ST7: variants seen among roughly 807,000 people sequenced by gnomAD.
ST7 encodes the protein suppression of tumorigenicity 7, also known as suppressor of tumorigenicity 7 protein.
In ST7, 28 loss-of-function variants were observed where a neutral mutation model predicts 78.7. That is an observed-to-expected ratio of 0.36 (90% CI 0.26 to 0.49). The LOEUF (loss-of-function observed/expected upper bound fraction) is 0.49. ST7 is among the 20% of genes least tolerant of loss of function. ST7 has a pLI of 0.99. For synonymous variants in ST7, 247 were observed against 249.6 expected (o/e 0.99, Z 0.10); for missense variants, 418 against 696.0 (o/e 0.60, Z 4.49).
intron 13 of ST7, 153 bp from the exon 14 acceptor site, chr7:117,218,931 G>T: frequency 1.6e-6 from 1 of 607,512 alleles, no homozygotes; most frequent in African/African-American, 1.8e-5. Flanking sequence ...ATTTATCTCT[G>T]ACATTTCATC....
intron 9 of ST7, among the ~76,000 whole-genome samples, chr7:117,160,215 A>G (rs922744446): frequency 1.3e-5 from 2 of 150,350 alleles, no homozygotes; most frequent in Admixed American, 6.6e-5. Flanking sequence ...CCTGACCAAC[A>G]GAGTGAAACT....
chr7:117,018,201 CT>C (rs1795707350), intron 1 of ST7, among the ~76,000 whole-genome samples: 1 of 152,164 alleles, frequency 6.6e-6, no homozygotes, highest in Non-Finnish European at 1.5e-5. Context: ...TCCCTCTTGC[CT>C]TTCTGACGGC....
chr7:117,181,355 G>T (rs953799859), intron 10 of ST7, among the ~76,000 whole-genome samples: 6 of 152,148 alleles, frequency 3.9e-5, no homozygotes, highest in African/African-American at 1.4e-4. Context: ...GTAAAAGCAG[G>T]TATCACACTA....
intron 1 of ST7, among the ~76,000 whole-genome samples, chr7:117,053,218 T>C (rs1173005606): frequency 1.3e-5 from 2 of 152,182 alleles, no homozygotes; most frequent in Non-Finnish European, 2.9e-5. Context: ...CAAACCAAAA[T>C]AGTTTGTAAA....
rs1805044402 is a variant in ST7 at position 117,139,034 on chromosome 7, C to G, written c.963+502C>G. Among the ~76,000 whole-genome samples, 3 of 152,170 alleles carry G rather than the reference C, an allele frequency of 2.0e-5. No individual in the cohort carries two copies. The South Asian group carries it at 6.2e-4, about 32-fold the overall frequency. On this transcript the variant is annotated intron_variant, in intron 9 of 15. Transcript: ENST00000323984. ...TGAGTTAATCCTATTGTAGTTGTTT[C>G]AAGCATTTTCCTAGATTCTTGAACC... is the stretch of plus-strand genomic sequence containing the variant.
Position 117,226,914 on chromosome 7 carries a change from G to T in ST7, c.1639-2848G>T, listed in dbSNP as rs554429300. ...AAGCATTGGGGCTTCGTATTCTTGT[G>T]GAACCTTGTTGAGAAGGGCAGGTGT... On this transcript the variant is annotated intron_variant, in intron 15 of 15. Transcript: ENST00000323984. Among the ~76,000 whole-genome samples, 14 of 152,286 alleles carry T rather than the reference G, an allele frequency of 9.2e-5. No homozygotes were observed. In the East Asian group the frequency reaches 2.1e-3, roughly 23 times the overall value.
intron 1 of ST7, among the ~76,000 whole-genome samples, chr7:117,085,422 G>C (rs567008629): frequency 6.6e-5 from 10 of 152,236 alleles, no homozygotes; most frequent in African/African-American, 2.2e-4. Flanking sequence ...ATTTAAACCA[G>C]TAGTCATGTC....
chr7:117,128,865 T>C (rs1242735992), intron 3 of ST7, among the ~76,000 whole-genome samples: 1 of 151,874 alleles, frequency 6.6e-6, no homozygotes, highest in South Asian at 2.1e-4. Flanking sequence ...TTTGTACATA[T>C]GTTGTTGGAT....
intron 1 of ST7, among the ~76,000 whole-genome samples, chr7:117,090,557 T>C (rs545378512): frequency 2.0e-5 from 3 of 152,310 alleles, no homozygotes; most frequent in Non-Finnish European, 4.4e-5. Context: ...AAGTTTCTAT[T>C]TCTCTTCAAT....
intron 10 of ST7, among the ~76,000 whole-genome samples, chr7:117,181,423 G>T (rs926117194): frequency 6.6e-6 from 1 of 152,174 alleles, no homozygotes; most frequent in Non-Finnish European, 1.5e-5. Context: ...CCACTCATTT[G>T]TTAGGTGGCT....
chr7:117,056,470 T>TA (rs113778717), intron 1 of ST7, among the ~76,000 whole-genome samples: 28 of 151,406 alleles, frequency 1.8e-4, no homozygotes, highest in African/African-American at 6.5e-4. Flanking sequence ...CCATCTCTAC[T>TA]AAAAAAAATA....
chr7:117,217,802 C>G (rs1281118790), intron 13 of ST7, among the ~76,000 whole-genome samples: 3 of 152,138 alleles, frequency 2.0e-5, no homozygotes, highest in Non-Finnish European at 2.9e-5. Flanking sequence ...TGCTCTAATC[C>G]CACATTTATA....
intron 1 of ST7, among the ~76,000 whole-genome samples, chr7:117,015,666 G>A (rs917948965): frequency 3.3e-5 from 5 of 152,120 alleles, no homozygotes; most frequent in African/African-American, 9.7e-5. Flanking sequence ...GTAAGTGGGC[G>A]ATTCCCTTAC....
chr7:116,958,897 T>C (rs1792674931), intron 1 of ST7, among the ~76,000 whole-genome samples: 1 of 152,224 alleles, frequency 6.6e-6, no homozygotes, highest in South Asian at 2.1e-4. Context: ...TTGATGTTTA[T>C]GGCTGCTGAC....
intron 1 of ST7, 48 bp from the exon 2 acceptor site, chr7:117,099,714 C>A: frequency 7.2e-7 from 1 of 1,386,588 alleles, no homozygotes; most frequent in Non-Finnish European, 1.0e-6. Context: ...TACTGACATA[C>A]TCATACATTC....
At chr7:117,130,325 C>T (rs1804240815) in intron 4 of ST7, among the ~76,000 whole-genome samples, 166 bp from the exon 5 acceptor site, 1 of 151,766 alleles carries the variant, frequency 6.6e-6, no homozygotes, top group South Asian at 2.1e-4. Flanking sequence ...TGATATAATT[C>T]CTGAAGGGAG....
intron 13 of ST7, among the ~76,000 whole-genome samples, chr7:117,213,186 G>A (rs1366615928): frequency 6.6e-6 from 1 of 152,168 alleles, no homozygotes; most frequent in Non-Finnish European, 1.5e-5. Flanking sequence ...TTCCACCATT[G>A]TACCACTTGG....
At chr7:117,167,813 G>T (rs1416383660) in intron 9 of ST7, among the ~76,000 whole-genome samples, 1 of 152,142 alleles carries the variant, frequency 6.6e-6, no homozygotes, top group Non-Finnish European at 1.5e-5. Context: ...CAAAGAAAAA[G>T]CCATCAGACT....
At position 117,136,562 on chromosome 7, in the gene ST7, T is replaced by G. The variant is rs190840556; in HGVS notation, c.865+327T>G. On this transcript the variant is annotated intron_variant, in intron 8 of 15. Coordinates refer to ENST00000323984, the MANE Select transcript of ST7 (RefSeq NM_001369598.1). ...TCATCAGTTGCTTCTGCTCACAACT[T>G]TAAAACCCAGATGGGAAACAGGATT... is the stretch of plus-strand genomic sequence containing the variant. 346 of 501,694 alleles carry G rather than the reference T, an allele frequency of 6.9e-4. 2 individuals carry two copies. The East Asian group carries it at 0.011, about 17-fold the overall frequency. 31.1% of individuals were successfully genotyped at this position (501,694 alleles called of 1,614,324 possible).
Sources: allele counts gnomAD v4.1 joint callset (sites outside exome capture counted in the v4.1 genomes callset), GRCh38; gene constraint gnomAD v4.1.1; transcripts MANE v1.5; gene names NCBI Gene and HGNC (gene_info 2026-07-23, HGNC 2026-07-21).